NID1: variants seen among roughly 807,000 people sequenced by gnomAD.
The protein encoded by NID1 is nidogen-1.
Under a neutral mutation model 130.6 loss-of-function variants are expected in NID1, and 76 were observed. The observed-to-expected ratio is 0.58, with a 90% CI of 0.48 to 0.70. The LOEUF is 0.70. Ranked by LOEUF, NID1 falls within the 30% of genes least tolerant of loss-of-function variation. NID1 has a pLI of 0.00. For missense variants in NID1, 1,517 were observed against 1,664.8 expected, an observed-to-expected ratio of 0.91 and a Z score of 1.54; for synonymous variants, 665 against 675.1, an observed-to-expected ratio of 0.98 and a Z score of 0.23.
At chr1:235,999,190 T>G (rs1423108418) in intron 12 of NID1, among the ~76,000 whole-genome samples, 1 of 152,252 alleles carries the variant, frequency 6.6e-6, no homozygotes, top group East Asian at 1.9e-4. Flanking sequence ...AAAACAAAAC[T>G]GGTGTCCTGT....
Position 236,032,501 on chromosome 1 carries a change from G to C in NID1, c.1437C>G (p.Thr479=), listed in dbSNP as rs137908509. The change falls in exon 6 of 20, where the codon ACC becomes ACG. Residue 479 remains threonine, a synonymous_variant. Transcript: ENST00000264187. Reference sequence around the variant, plus strand: ...CCAGTGGAAGCAGAGAATATCCAACGGTCTCGGGAATGGTGCTGATGGCTG... The same window carrying C: ...CCAGTGGAAGCAGAGAATATCCAACCGTCTCGGGAATGGTGCTGATGGCTG... ...SYTAISTIPE[T]VGYSLLPLAP... 18 of 1,614,160 alleles carry C rather than the reference G, an allele frequency of 1.1e-5. No individual in the cohort carries two copies. Among genetic ancestry groups the C allele is most frequent in the East Asian group, 1.1e-4 (5 of 44,882 alleles).
At chr1:236,025,771 G>T (rs554544965) in intron 8 of NID1, 125 bp downstream of exon 8, 3 of 1,304,272 alleles carry the variant, frequency 2.3e-6, no homozygotes, top group Non-Finnish European at 3.2e-6. Flanking sequence ...TTTTTTTCCT[G>T]CCAGAAGATA....
chr1:235,977,690 A>G lies in NID1; in HGVS notation c.*177T>C. 1 of 633,332 alleles carries G rather than the reference A, an allele frequency of 1.6e-6. No individual in the cohort carries two copies. Among genetic ancestry groups the G allele is most frequent in the South Asian group, 1.9e-5 (1 of 51,856 alleles). The allele number at this position is 633,332 out of a possible 1,614,324, so 39.2% of individuals were successfully genotyped here. ...GTAGGGGTGGAGACTTTTCTATTAGAGAAGTCCAGGGTGCATGTTTTGGGG... is the reference window on the plus strand; with the variant it reads ...GTAGGGGTGGAGACTTTTCTATTAGGGAAGTCCAGGGTGCATGTTTTGGGG... On this transcript the variant is annotated 3_prime_UTR_variant, in exon 20 of 20. Coordinates refer to ENST00000264187, the MANE Select transcript of NID1 (RefSeq NM_002508.3).
intron 8 of NID1, 111 bp downstream of exon 8, chr1:236,025,785 T>A: frequency 7.3e-7 from 1 of 1,377,416 alleles, no homozygotes. Flanking sequence ...GAAGATACTT[T>A]AGCATAATTT....
At chr1:235,999,919 G>C (rs935961653) in intron 12 of NID1, among the ~76,000 whole-genome samples, 2 of 152,058 alleles carry the variant, frequency 1.3e-5, no homozygotes, top group Non-Finnish European at 2.9e-5. Flanking sequence ...TGGACCTTAA[G>C]ACTGAAAGAA....
At chr1:236,063,479 A>AAT (rs1660100822) in intron 1 of NID1, among the ~76,000 whole-genome samples, 8 of 148,340 alleles carry the variant, frequency 5.4e-5, no homozygotes, top group Non-Finnish European at 8.9e-5. Context: ...CTCAAAAAAA[A>AAT]AAATAAATAA....
At chr1:236,054,982 A>C (rs1320878736) in intron 1 of NID1, among the ~76,000 whole-genome samples, 1 of 152,052 alleles carries the variant, frequency 6.6e-6, no homozygotes, top group Non-Finnish European at 1.5e-5. Context: ...AAACATTTAC[A>C]AAACGATAAA....
intron 1 of NID1, among the ~76,000 whole-genome samples, chr1:236,058,097 A>G (rs572214848): frequency 6.6e-6 from 1 of 152,384 alleles, no homozygotes; most frequent in East Asian, 1.9e-4. Context: ...TAATATTATC[A>G]TCTTAAGGTA....
intron 3 of NID1, among the ~76,000 whole-genome samples, chr1:236,043,782 A>G (rs1659523242): frequency 6.6e-6 from 1 of 152,094 alleles, no homozygotes; most frequent in African/African-American, 2.4e-5. Flanking sequence ...TGGGCGACAG[A>G]GCAAGACTCC....
chr1:236,055,510 G>C (rs978727215), intron 1 of NID1, among the ~76,000 whole-genome samples: 1 of 151,814 alleles, frequency 6.6e-6, no homozygotes, highest in Non-Finnish European at 1.5e-5. Flanking sequence ...TAACAGGTCT[G>C]GTGCAGTGGC....
chr1:235,996,708 A>T lies in NID1; in HGVS notation c.2528-2836T>A, dbSNP rs762620737. ...TCCATCCATCTTGACCTCCCAAAGT[A>T]CTGGGATTACAGGTGTGAGCCACCA... On this transcript the variant is annotated intron_variant, in intron 12 of 19. Transcript: ENST00000264187. 7.9e-5 allele frequency among the ~76,000 whole-genome samples: 12 copies of T among 152,224 alleles called. No individual in the cohort carries two copies. The Middle Eastern group carries it at 0.01, about 129-fold the overall frequency.
intron 9 of NID1, among the ~76,000 whole-genome samples, chr1:236,020,058 ACAAAAAC>A (rs1283673250): frequency 7.1e-5 from 9 of 125,966 alleles, no homozygotes; most frequent in African/African-American, 1.8e-4. Context: ...AAAAAAAAAA[ACAAAAAC>A]AAACTTCTTT....
rs751115263 is a variant in NID1 at position 235,979,784 on chromosome 1, G to A, written c.3509+38C>T. On this transcript the variant is annotated intron_variant, in intron 18 of 19. Transcript: ENST00000264187. The surrounding 1 kb of genome is among the most constrained non-coding windows in gnomAD (Gnocchi z 4.6). ...CCTCCCAGAGACAGTGGGTGGAGGG[G>A]CAGGCCCACGCAGCCCCCATGGCTA... The A allele has an allele frequency of 6.2e-7, 1 of 1,607,628 alleles. No homozygotes were observed. The highest frequency in any genetic ancestry group is 1.7e-5 in the Admixed American group (1 of 59,872).
At chr1:235,991,629 G>A (rs573835959) in intron 13 of NID1, among the ~76,000 whole-genome samples, 2 of 152,184 alleles carry the variant, frequency 1.3e-5, no homozygotes, top group African/African-American at 2.4e-5. Context: ...CACTGTGCCC[G>A]GCCGGCCTCC....
At position 236,025,949 on chromosome 1, in the gene NID1, T is replaced by C; in HGVS notation, c.1931A>G (p.Gln644Arg). 6.2e-7 allele frequency: 1 copy of C among 1,614,036 alleles called. No homozygotes were observed. Among genetic ancestry groups the C allele is most frequent in the Non-Finnish European group, 8.5e-7 (1 of 1,180,006 alleles). Reference sequence around the variant, plus strand: ...AGCATAGCGCAAGATCTTCTCCTCCTGGTTGTACAGGACGAACACGCTGTC... The same window carrying C: ...AGCATAGCGCAAGATCTTCTCCTCCCGGTTGTACAGGACGAACACGCTGTC... ...SVDSVFVLYNQEEKILRYALS... is the reference protein window; with the variant it reads ...SVDSVFVLYNREEKILRYALS... Residue 644 changes from glutamine to arginine, a missense_variant, in exon 8 of 20, where the codon CAG becomes CGG. Transcript: ENST00000264187.
At chr1:236,052,397 T>A (rs945239395) in intron 1 of NID1, among the ~76,000 whole-genome samples, 3 of 152,156 alleles carry the variant, frequency 2.0e-5, no homozygotes, top group Non-Finnish European at 2.9e-5. Context: ...CCAAGGGCAC[T>A]GGGCCGGGGA....
chr1:235,982,010 G>C (rs1050903163), intron 15 of NID1, among the ~76,000 whole-genome samples: 2 of 152,172 alleles, frequency 1.3e-5, no homozygotes, highest in African/African-American at 4.8e-5. Context: ...TGCACGTTGG[G>C]AACCAGGACA....
At chr1:236,007,656 G>T (rs191019633) in intron 12 of NID1, among the ~76,000 whole-genome samples, 28 of 152,258 alleles carry the variant, frequency 1.8e-4, no homozygotes, top group African/African-American at 6.3e-4. Flanking sequence ...AGCCATCCCT[G>T]TAGAGAGACC....
chr1:236,023,032 C>T (rs1658809908), intron 9 of NID1, among the ~76,000 whole-genome samples: 3 of 147,614 alleles, frequency 2.0e-5, no homozygotes, highest in Admixed American at 6.8e-5. Flanking sequence ...GCACTCCAGC[C>T]TGAGCGACAC....
Sources: gnomAD v4.1 joint callset for allele counts (sites outside exome capture counted in the v4.1 genomes callset) on GRCh38, gnomAD v4.1.1 for gene constraint, Gnocchi (gnomAD v3.1) non-coding constraint, MANE v1.5 for transcripts, NCBI Gene and HGNC (gene_info 2026-07-23, HGNC 2026-07-21) for gene names.